Variants in NRXN3 observed in about 807,000 individuals in gnomAD.
The protein encoded by NRXN3 is neurexin 3.
A neutral mutation model predicts 137.6 loss-of-function variants in NRXN3; 32 were observed. The observed-to-expected ratio is 0.23, with a 90% CI of 0.18 to 0.31. NRXN3 has a LOEUF of 0.31. Among genes scored for constraint, NRXN3 ranks in the 10% least tolerant of loss-of-function variants. The pLI is 1.00. For missense variants in NRXN3, 1,574 were observed against 2,062.5 expected (o/e 0.76, Z 4.59); for synonymous variants, 798 against 784.5 (o/e 1.02, Z -0.29).
intron 4 of NRXN3, among the ~76,000 whole-genome samples, chr14:78,510,059 T>TATATATATATA (rs1567797721): frequency 1.3e-5 from 2 of 148,268 alleles, no homozygotes; most frequent in African/African-American, 5.0e-5. Context: ...TATATATATA[T>TATATATATATA]TTTGGCAATG....
At chr14:79,278,988 G>A (rs2080780408) in intron 15 of NRXN3, among the ~76,000 whole-genome samples, 6 of 152,216 alleles carry the variant, frequency 3.9e-5, no homozygotes, top group Admixed American at 3.9e-4. Flanking sequence ...GAGCTACTTC[G>A]GCCTTAGCCG....
chr14:78,300,783 C>T, intron 4 of NRXN3: 2 of 822,454 alleles, frequency 2.4e-6, no homozygotes, highest in South Asian at 1.6e-5. Context: ...TGAATACAGT[C>T]CAGATTATAA....
intron 15 of NRXN3, among the ~76,000 whole-genome samples, chr14:79,105,962 T>C (rs2052354155): frequency 6.6e-6 from 1 of 152,124 alleles, no homozygotes; most frequent in Non-Finnish European, 1.5e-5. Context: ...CCTAACCTAC[T>C]AGTGTTTAAA....
chr14:78,731,124 C>T (rs2098513297), intron 8 of NRXN3, among the ~76,000 whole-genome samples: 1 of 152,030 alleles, frequency 6.6e-6, no homozygotes, highest in Non-Finnish European at 1.5e-5. Context: ...AATTTCTTTT[C>T]ACTACAGAGT....
chr14:78,367,256 C>A (rs1040085361), intron 4 of NRXN3, among the ~76,000 whole-genome samples: 1 of 152,092 alleles, frequency 6.6e-6, no homozygotes, highest in Admixed American at 6.5e-5. Flanking sequence ...CTTTTTCTTG[C>A]TTAGTCTGTG....
chr14:78,651,972 T>C (rs573734658), intron 6 of NRXN3, among the ~76,000 whole-genome samples: 1 of 152,318 alleles, frequency 6.6e-6, no homozygotes, highest in Non-Finnish European at 1.5e-5. Context: ...CAGATGGCTG[T>C]GTTTATAAAT....
chr14:78,176,399 A>G (rs1396337060), intron 1 of NRXN3, among the ~76,000 whole-genome samples: 2 of 144,586 alleles, frequency 1.4e-5, no homozygotes, highest in East Asian at 2.0e-4. Flanking sequence ...TTTTTTTTTA[A>G]CACTCGGTAT....
intron 1 of NRXN3, among the ~76,000 whole-genome samples, chr14:78,227,209 A>G (rs1027757043): frequency 1.3e-5 from 2 of 152,246 alleles, no homozygotes; most frequent in Non-Finnish European, 2.9e-5. Flanking sequence ...AATACTAATC[A>G]GTGTGATATA....
At chr14:79,016,885 G>A (rs1490505140) in intron 15 of NRXN3, among the ~76,000 whole-genome samples, 1 of 152,152 alleles carries the variant, frequency 6.6e-6, no homozygotes, top group Non-Finnish European at 1.5e-5. Flanking sequence ...TAAACACAAG[G>A]AGAAAATGGC....
intron 10 of NRXN3, among the ~76,000 whole-genome samples, chr14:78,928,160 T>G (rs2099311355): frequency 6.6e-6 from 1 of 152,122 alleles, no homozygotes; most frequent in South Asian, 2.1e-4. Flanking sequence ...CTCAATTTGC[T>G]CTCTGGGATC....
Position 78,809,406 on chromosome 14 carries a change from T to C in NRXN3, c.2249-912T>C, listed in dbSNP as rs150796458. Among the ~76,000 whole-genome samples, 47 of 152,324 alleles carry C rather than the reference T, an allele frequency of 3.1e-4. 1 individual carries two copies. In the East Asian group the frequency reaches 8.9e-3, roughly 29 times the overall value. On this transcript the variant is annotated intron_variant, in intron 9 of 20. Transcript: ENST00000335750. ...TGGCTTGCCTTCTCCCTGAATGCTGTGGGCACTTGATTCAGTCTGCGTATT... is the reference window on the plus strand; with the variant it reads ...TGGCTTGCCTTCTCCCTGAATGCTGCGGGCACTTGATTCAGTCTGCGTATT...
chr14:79,233,767 G>A (rs1021823529), intron 15 of NRXN3, among the ~76,000 whole-genome samples: 3 of 151,984 alleles, frequency 2.0e-5, no homozygotes, highest in African/African-American at 7.3e-5. Flanking sequence ...AAATTCTAGA[G>A]AAAGGTCCCA....
chr14:79,390,542 C>T (rs188871402), intron 15 of NRXN3, among the ~76,000 whole-genome samples: 22 of 152,202 alleles, frequency 1.4e-4, no homozygotes, highest in Non-Finnish European at 1.5e-5. Context: ...TCACTCAAGA[C>T]TGGGAGATTC....
At chr14:79,835,018 T>A (rs1319868697) in intron 20 of NRXN3, among the ~76,000 whole-genome samples, 1 of 152,062 alleles carries the variant, frequency 6.6e-6, no homozygotes, top group East Asian at 1.9e-4. Flanking sequence ...ACTTTTGCAG[T>A]CTCCAAAAAG....
intron 15 of NRXN3, among the ~76,000 whole-genome samples, chr14:78,989,886 T>A (rs1340972291): frequency 6.6e-6 from 1 of 152,190 alleles, no homozygotes; most frequent in East Asian, 1.9e-4. Context: ...ACGCACAATT[T>A]TCAGAAGGTA....
At chr14:79,513,890 T>A (rs1453172022) in intron 16 of NRXN3, among the ~76,000 whole-genome samples, 1 of 152,200 alleles carries the variant, frequency 6.6e-6, no homozygotes, top group African/African-American at 2.4e-5. Context: ...CTAGGGACAT[T>A]TATAAGTTTA....
rs1178319738 is a variant in NRXN3, at chr14:79,861,681, G to A, written c.4433G>A (p.Gly1478Glu). The change falls in exon 21 of 21, where the codon GGA (glycine) becomes GAA (glutamate). Residue 1478 changes from glycine to glutamate, a missense_variant. Gly to Glu is a moderately conservative substitution (Grantham distance 98). Coordinates refer to ENST00000335750, the MANE Select transcript of NRXN3 (RefSeq NM_001330195.2). This position sits in a 1 kb window ranked among gnomAD's most constrained non-coding sequence, Gnocchi z 5.4. ...CCCACAGCAAACCCCACGGAGCCGG[G>A]AATCAGACGGGTTCCGGGGGCCTCA... is the stretch of plus-strand genomic sequence containing the variant. ...NVPTANPTEP[G>E]IRRVPGASEV... The A allele has an allele frequency of 6.2e-7, 1 of 1,614,036 alleles. No homozygotes were observed. The highest frequency in any genetic ancestry group is 8.5e-7 in the Non-Finnish European group (1 of 1,180,038).
chr14:78,251,286 T>C (rs942415675), intron 2 of NRXN3, among the ~76,000 whole-genome samples: 9 of 152,264 alleles, frequency 5.9e-5, no homozygotes, highest in Non-Finnish European at 8.8e-5. Flanking sequence ...AAAAAAACAA[T>C]CTTTCTCTGT....
chr14:79,358,818 A>G (rs1169581337), intron 15 of NRXN3, among the ~76,000 whole-genome samples: 2 of 152,122 alleles, frequency 1.3e-5, no homozygotes, highest in Admixed American at 6.5e-5. Context: ...AGGCCAAACC[A>G]CTACTAACTC....
Sources: gnomAD v4.1 joint callset for allele counts (sites outside exome capture counted in the v4.1 genomes callset) on GRCh38, gnomAD v4.1.1 for gene constraint, Gnocchi (gnomAD v3.1) non-coding constraint, MANE v1.5 for transcripts, NCBI Gene and HGNC (gene_info 2026-07-23, HGNC 2026-07-21) for gene names.